DLEU7: variants seen among roughly 807,000 people sequenced by gnomAD.
The protein encoded by DLEU7 is leukemia-associated protein 7.
A neutral mutation model predicts 16.0 loss-of-function variants in DLEU7; 17 were observed. That is an observed-to-expected ratio of 1.06 (90% CI 0.73 to 1.59). DLEU7 has a LOEUF of 1.59. Ranked by LOEUF, DLEU7 falls within the 40% of genes most tolerant of loss-of-function variation. DLEU7 has a pLI of 0.00. For missense variants in DLEU7, 308 were observed against 314.9 expected (o/e 0.98, Z 0.17); for synonymous variants, 113 against 139.8 (o/e 0.81, Z 1.35).
rs769429571 is a variant in DLEU7, at chr13:50,843,659, C to T, written c.-13G>A. The T allele has an allele frequency of 3.3e-6, 5 of 1,500,274 alleles. 1 individual carries two copies. In the Admixed American group the frequency reaches 6.6e-5, roughly 20 times the overall value. 92.9% of individuals were successfully genotyped at this position (1,500,274 alleles called of 1,614,324 possible). On this transcript the variant is annotated 5_prime_UTR_variant, in exon 1 of 2. Transcript: ENST00000504404. The surrounding 1 kb of genome is among the most constrained non-coding windows in gnomAD (Gnocchi z 5.7). ...CAGGGCTGGCCATCGCCTCCGCTGGCGGCCCGGCGCGCTCCGCGTGCAGGT... is the reference window on the plus strand; with the variant it reads ...CAGGGCTGGCCATCGCCTCCGCTGGTGGCCCGGCGCGCTCCGCGTGCAGGT...
downstream of DLEU7, chr13:50,822,496 A>G (rs1876938099): frequency 4.2e-6 from 1 of 240,742 alleles, no homozygotes; most frequent in African/African-American, 8.9e-5. Context: ...CTGTTGTTGA[A>G]AAAAAAAAAA....
intron 1 of DLEU7, among the ~76,000 whole-genome samples, chr13:50,738,152 G>A (rs1328288619): frequency 6.6e-6 from 1 of 152,172 alleles, no homozygotes; most frequent in Non-Finnish European, 1.5e-5. Context: ...AGCTGCAGAA[G>A]AAATGCTTGG....
intron 1 of DLEU7, among the ~76,000 whole-genome samples, chr13:50,842,099 G>T (rs569571741): frequency 5.7e-4 from 87 of 152,204 alleles, no homozygotes; most frequent in Non-Finnish European, 9.1e-4. Context: ...AATTAGCCAG[G>T]TCAAAATGTG....
chr13:50,757,414 T>C (rs2126364), intron 1 of DLEU7, among the ~76,000 whole-genome samples: 15,135 of 152,254 alleles, frequency 0.099, 1,479 homozygotes, highest in East Asian at 0.27. Context: ...ACTTATTCTC[T>C]GCTAATCTGC....
chr13:50,751,340 T>G (rs2137734299), intron 1 of DLEU7, among the ~76,000 whole-genome samples: 1 of 152,338 alleles, frequency 6.6e-6, no homozygotes, highest in East Asian at 1.9e-4. Flanking sequence ...GCTAGTATTT[T>G]GCTAAGGATT....
At position 50,843,674 on chromosome 13, in the gene DLEU7, C is replaced by T. The variant is rs1301528941; in HGVS notation, c.-28G>A. 2.1e-5 allele frequency: 32 copies of T among 1,498,458 alleles called. No homozygotes were observed. Among genetic ancestry groups the T allele is most frequent in the Middle Eastern group, 4.7e-4 (2 of 4,284 alleles). 92.8% of individuals were successfully genotyped at this position (1,498,458 alleles called of 1,614,324 possible). A position where few individuals can be genotyped will look rare whatever the true frequency, so the allele number is the denominator to read the frequency against. ...CCTCCGCTGGCGGCCCGGCGCGCTC[C>T]GCGTGCAGGTGGAGCAGCAGCGAGG... On this transcript the variant is annotated 5_prime_UTR_variant, in exon 1 of 2. Transcript: ENST00000504404. This position sits in a 1 kb window ranked among gnomAD's most constrained non-coding sequence, Gnocchi z 5.7.
chr13:50,783,718 G>A (rs778447480), intron 1 of DLEU7, among the ~76,000 whole-genome samples: 3 of 152,162 alleles, frequency 2.0e-5, no homozygotes, highest in Non-Finnish European at 4.4e-5. Flanking sequence ...GAAAATAGGT[G>A]CTCACAAATT....
chr13:50,793,889 C>T (rs536084850), intron 1 of DLEU7, among the ~76,000 whole-genome samples: 1 of 152,246 alleles, frequency 6.6e-6, no homozygotes, highest in Non-Finnish European at 1.5e-5. Flanking sequence ...AGTTTTATTG[C>T]AATTGCCTTT....
chr13:50,800,800 G>A (rs139133188), intron 1 of DLEU7, among the ~76,000 whole-genome samples: 35 of 152,248 alleles, frequency 2.3e-4, no homozygotes, highest in South Asian at 1.2e-3. Context: ...AGAGAGAGGC[G>A]AGGTGAAGAA....
At chr13:50,827,937 A>G (rs1193053549) in intron 1 of DLEU7, among the ~76,000 whole-genome samples, 1 of 152,210 alleles carries the variant, frequency 6.6e-6, no homozygotes, top group East Asian at 1.9e-4. Context: ...ATTGAAAGTG[A>G]ATGGATATTT....
chr13:50,772,333 A>G (rs1241138286), intron 1 of DLEU7, among the ~76,000 whole-genome samples: 1 of 152,134 alleles, frequency 6.6e-6, no homozygotes. Context: ...TATTTTGCCC[A>G]TTAGTTGATG....
chr13:50,824,359 G>GA (rs1195946740), intron 1 of DLEU7, among the ~76,000 whole-genome samples: 1 of 152,114 alleles, frequency 6.6e-6, no homozygotes, highest in Non-Finnish European at 1.5e-5. Flanking sequence ...TCAGTATAGG[G>GA]AAATGACATC....
chr13:50,842,861 A>G (rs1566272038), intron 1 of DLEU7, among the ~76,000 whole-genome samples: 1 of 152,148 alleles, frequency 6.6e-6, no homozygotes, highest in Non-Finnish European at 1.5e-5. Context: ...TATCCCTACA[A>G]GCTGCACGTG....
chr13:50,808,751 G>C (rs1876473553), intron 1 of DLEU7: 1 of 152,084 alleles, frequency 6.6e-6, no homozygotes, highest in Non-Finnish European at 1.5e-5. Flanking sequence ...ATTGGGTTTA[G>C]GAGCCAAGAG....
chr13:50,714,384 A>G (rs973048040), intron 1 of DLEU7, among the ~76,000 whole-genome samples: 1 of 152,218 alleles, frequency 6.6e-6, no homozygotes, highest in African/African-American at 2.4e-5. Context: ...ACCCCAGTCC[A>G]TCTGGCATAT....
At chr13:50,744,195 T>C (rs2137727618) in intron 1 of DLEU7, among the ~76,000 whole-genome samples, 1 of 152,302 alleles carries the variant, frequency 6.6e-6, no homozygotes. Flanking sequence ...ATCTCTGATA[T>C]ATGAGCAAAG....
At chr13:50,739,592 T>C (rs1874194571) in intron 1 of DLEU7, among the ~76,000 whole-genome samples, 1 of 152,172 alleles carries the variant, frequency 6.6e-6, no homozygotes, top group Admixed American at 6.5e-5. Flanking sequence ...CTCAAGAGGC[T>C]TTTGTGCTTA....
chr13:50,720,862 G>GA (rs887960882), intron 1 of DLEU7, among the ~76,000 whole-genome samples: 3 of 151,726 alleles, frequency 2.0e-5, no homozygotes, highest in Admixed American at 6.5e-5. Context: ...AGCCCTAAAG[G>GA]AAAAAAAATG....
intron 1 of DLEU7, among the ~76,000 whole-genome samples, chr13:50,755,757 G>C (rs971615489): frequency 3.3e-5 from 5 of 151,792 alleles, no homozygotes; most frequent in East Asian, 3.9e-4. Flanking sequence ...TTTTTTGAGG[G>C]GGGGGGCACG....
Sources: gnomAD v4.1 joint callset for allele counts (sites outside exome capture counted in the v4.1 genomes callset) on GRCh38, gnomAD v4.1.1 for gene constraint, Gnocchi (gnomAD v3.1) non-coding constraint, MANE v1.5 for transcripts, NCBI Gene and HGNC (gene_info 2026-07-23, HGNC 2026-07-21) for gene names.